TUSC3: variants seen among roughly 807,000 people sequenced by gnomAD.
TUSC3 encodes tumor suppressor candidate 3, also known as dolichyl-diphosphooligosaccharide--protein glycosyltransferase subunit TUSC3.
Under a neutral mutation model 44.8 loss-of-function variants are expected in TUSC3, and 45 were observed. That is an observed-to-expected ratio of 1.00 (90% CI 0.79 to 1.29). TUSC3 has a LOEUF of 1.29. Ranked by LOEUF, TUSC3 falls within the 50% of genes most tolerant of loss-of-function variation. TUSC3 has a pLI of 0.00. For missense variants in TUSC3, 519 were observed against 437.9 expected, an observed-to-expected ratio of 1.19 and a Z score of -1.65; for synonymous variants, 212 against 152.9, an observed-to-expected ratio of 1.39 and a Z score of -2.85.
intron 1 of TUSC3, among the ~76,000 whole-genome samples, chr8:15,471,355 G>A (rs1800491779): frequency 6.6e-6 from 1 of 152,092 alleles, no homozygotes; most frequent in Admixed American, 6.6e-5. Flanking sequence ...ATTATTTTTT[G>A]TAAAATTGGT....
chr8:15,674,462 T>G (rs753680142), intron 6 of TUSC3, among the ~76,000 whole-genome samples: 3 of 151,854 alleles, frequency 2.0e-5, no homozygotes, highest in Non-Finnish European at 1.5e-5. Context: ...AGATGAACAG[T>G]TTTTCGTTTT....
At chr8:15,503,858 A>C (rs1801007311) in intron 2 of TUSC3, among the ~76,000 whole-genome samples, 1 of 151,844 alleles carries the variant, frequency 6.6e-6, no homozygotes, top group African/African-American at 2.4e-5. Context: ...AAAAATGGTA[A>C]TGGCTCCACA....
chr8:15,425,167 T>C (rs1799788208), intron 1 of TUSC3, among the ~76,000 whole-genome samples: 2 of 152,040 alleles, frequency 1.3e-5, no homozygotes, highest in Non-Finnish European at 2.9e-5. Context: ...AGCAAGGGGA[T>C]GGGAGATTAA....
chr8:15,438,285 A>G (rs1585789108), intron 1 of TUSC3, among the ~76,000 whole-genome samples: 1 of 151,996 alleles, frequency 6.6e-6, no homozygotes, highest in Non-Finnish European at 1.5e-5. Context: ...TAGTAGAGAC[A>G]GGGTTTCTCC....
At chr8:15,800,637 A>G in the TUSC3 span, among the ~76,000 whole-genome samples, 1 of 152,080 alleles carries the variant, frequency 6.6e-6, no homozygotes, top group East Asian at 1.9e-4. Flanking sequence ...TTTCAGAGCA[A>G]TACTGATTTT....
chr8:15,541,987 C>A (rs1801707629), intron 1 of TUSC3, among the ~76,000 whole-genome samples: 1 of 147,082 alleles, frequency 6.8e-6, no homozygotes, highest in South Asian at 2.1e-4. Flanking sequence ...TATTTTAAGA[C>A]TGACCTTAAT....
intron 6 of TUSC3, among the ~76,000 whole-genome samples, chr8:15,685,327 G>A (rs991353177): frequency 6.6e-5 from 10 of 152,220 alleles, no homozygotes; most frequent in East Asian, 1.9e-4. Context: ...GCGACTCTGA[G>A]TGGCTTCCTG....
chr8:15,494,967 C>G (rs79321169), intron 2 of TUSC3, among the ~76,000 whole-genome samples: 3,486 of 152,242 alleles, frequency 0.023, 135 homozygotes, highest in African/African-American at 0.078. Flanking sequence ...TCCATGTGTA[C>G]TCAATGTTTA....
At chr8:15,760,523 C>T (rs1478635668) in intron 10 of TUSC3, among the ~76,000 whole-genome samples, 2 of 152,128 alleles carry the variant, frequency 1.3e-5, no homozygotes, top group Non-Finnish European at 2.9e-5. Flanking sequence ...TAACTGCTGT[C>T]TGTGTTAGTT....
At chr8:15,449,118 C>G (rs1800159640) in intron 1 of TUSC3, among the ~76,000 whole-genome samples, 1 of 152,066 alleles carries the variant, frequency 6.6e-6, no homozygotes, top group South Asian at 2.1e-4. Context: ...GTCATTCTGA[C>G]AAGCTGGGAA....
chr8:15,626,344 G>T (rs759608854), intron 2 of TUSC3, among the ~76,000 whole-genome samples: 6 of 152,236 alleles, frequency 3.9e-5, no homozygotes, highest in Non-Finnish European at 7.3e-5. Context: ...GGGCAGTCAG[G>T]TATGGAGGGG....
At chr8:15,830,257 G>T in the TUSC3 span, among the ~76,000 whole-genome samples, 2 of 151,794 alleles carry the variant, frequency 1.3e-5, no homozygotes, top group African/African-American at 2.4e-5. Flanking sequence ...TGCTTATTCT[G>T]TTGATCATTT....
In TUSC3 at chr8:15,623,161, C is replaced by T. The variant is rs1251881194; in HGVS notation, c.220C>T (p.Arg74Ter). 2.2e-5 allele frequency: 36 copies of T among 1,613,404 alleles called. No homozygotes were observed. The highest frequency in any genetic ancestry group is 2.9e-5 in the Non-Finnish European group (34 of 1,179,800). ...SIFRMNGDKF[R>*]KFIKAPPRNY... ...CTTCCGAATGAATGGTGATAAATTC[C>T]GAAAATTTATAAAGGCACCACCTCG... is the stretch of plus-strand genomic sequence containing the variant. The change falls in exon 2 of 11, where the codon CGA becomes TGA. Residue 74 changes from arginine to a stop codon, truncating the protein, a stop_gained. Coordinates refer to ENST00000503731, the MANE Select transcript of TUSC3 (RefSeq NM_006765.4). LOFTEE classifies it high-confidence loss of function.
At chr8:15,583,077 A>T (rs7007500) in intron 1 of TUSC3, among the ~76,000 whole-genome samples, 130,566 of 152,234 alleles carry the variant, frequency 0.86, 56,187 homozygotes, top group Non-Finnish European at 0.87. Flanking sequence ...TGGAATACAA[A>T]TGAGAATGAA....
chr8:15,752,642 T>C (rs2129220576), intron 9 of TUSC3, among the ~76,000 whole-genome samples: 1 of 152,260 alleles, frequency 6.6e-6, no homozygotes, highest in East Asian at 1.9e-4. Flanking sequence ...AGAGTATCTT[T>C]ATTTTATGAC....
rs1800197855 is a variant in TUSC3, at chr8:15,451,594, C to G, written n.92-31792C>G. Among the ~76,000 whole-genome samples, 6 of 152,262 alleles carry G rather than the reference C, an allele frequency of 3.9e-5. No homozygotes were observed. In the South Asian group the frequency reaches 1.2e-3, roughly 32 times the overall value. On this transcript the variant is annotated intron_variant and non_coding_transcript_variant, in intron 1 of 5. Transcript: ENST00000503191. ...TCCACACCCCTTTCCCTATACCTTG[C>G]CAAATGCATCTCTTCCATCTAGTTG...
At chr8:15,442,688 T>G (rs17473297) in intron 1 of TUSC3, among the ~76,000 whole-genome samples, 4,273 of 152,178 alleles carry the variant, frequency 0.028, 93 homozygotes, top group South Asian at 0.076. Flanking sequence ...TCCTTCTAGA[T>G]TCTGTCATCA....
At chr8:15,526,349 T>C (rs1801373012) in intron 2 of TUSC3, among the ~76,000 whole-genome samples, 1 of 152,156 alleles carries the variant, frequency 6.6e-6, no homozygotes, top group African/African-American at 2.4e-5. Flanking sequence ...TTCATCTTGA[T>C]AATGATTACA....
chr8:15,779,459 G>A, the TUSC3 span, among the ~76,000 whole-genome samples: 2 of 147,322 alleles, frequency 1.4e-5, no homozygotes, highest in African/African-American at 5.0e-5. Flanking sequence ...AAACAAAAAA[G>A]TACAAAAGCT....
Sources: allele counts gnomAD v4.1 joint callset (sites outside exome capture counted in the v4.1 genomes callset), GRCh38; gene constraint gnomAD v4.1.1; transcripts MANE v1.5; gene names NCBI Gene and HGNC (gene_info 2026-07-23, HGNC 2026-07-21).